CCDC7: variants seen among roughly 807,000 people sequenced by gnomAD.
CCDC7 encodes coiled-coil domain-containing protein 7.
Under a neutral mutation model 196.9 loss-of-function variants are expected in CCDC7, and 183 were observed. The ratio of observed to expected loss-of-function variants is 0.93; its 90% CI spans 0.82 to 1.05. CCDC7 has a LOEUF of 1.05. Among genes scored for constraint, CCDC7 ranks in the 50% least tolerant of loss-of-function variants. CCDC7 has a pLI of 0.00. For missense variants in CCDC7, 1,540 were observed against 1,482.2 expected, an observed-to-expected ratio of 1.04 and a Z score of -0.64; for synonymous variants, 525 against 484.6, an observed-to-expected ratio of 1.08 and a Z score of -1.10.
chr10:32,781,044 C>CA (rs149595331), intron 29 of CCDC7, among the ~76,000 whole-genome samples: 2,293 of 151,708 alleles, frequency 0.015, 63 homozygotes, highest in African/African-American at 0.052. Flanking sequence ...AACTGTACAC[C>CA]AAAAAAACTG....
intron 21 of CCDC7, among the ~76,000 whole-genome samples, chr10:32,677,869 T>A (rs1438709079): frequency 6.6e-6 from 1 of 152,152 alleles, no homozygotes; most frequent in African/African-American, 2.4e-5. Flanking sequence ...ATCCCATACA[T>A]CTTATAGGAT....
exon 1 of CCDC7, chr10:32,451,851 C>T (rs2033148722): frequency 1.9e-6 from 3 of 1,613,962 alleles, no homozygotes; most frequent in Non-Finnish European, 2.5e-6. Context: ...TTGCCCATTC[C>T]ATCGAGTAAG....
At chr10:32,701,550 T>G (rs1297199981) in intron 24 of CCDC7, among the ~76,000 whole-genome samples, 1 of 152,174 alleles carries the variant, frequency 6.6e-6, no homozygotes, top group African/African-American at 2.4e-5. Flanking sequence ...TTAGGGAGGA[T>G]TCCCTCTTTT....
At chr10:32,837,127 G>A (rs1565663238) in intron 33 of CCDC7, among the ~76,000 whole-genome samples, 1 of 152,132 alleles carries the variant, frequency 6.6e-6, no homozygotes, top group Non-Finnish European at 1.5e-5. Flanking sequence ...TACTATCAGA[G>A]TGAACAGGCA....
intron 11 of CCDC7, among the ~76,000 whole-genome samples, chr10:32,538,146 T>C (rs1489817302): frequency 6.6e-6 from 1 of 152,188 alleles, no homozygotes; most frequent in African/African-American, 2.4e-5. Flanking sequence ...TTCCCATTTT[T>C]TTGTGTCATC....
intron 24 of CCDC7, among the ~76,000 whole-genome samples, chr10:32,708,211 AG>A (rs1240809037): frequency 5.9e-5 from 9 of 152,326 alleles, no homozygotes; most frequent in Middle Eastern, 3.4e-3. Context: ...GACAAAAACA[AG>A]AAATGGGGAA....
At chr10:32,511,069 A>G (rs760800450) in intron 9 of CCDC7, among the ~76,000 whole-genome samples, 25 of 139,326 alleles carry the variant, frequency 1.8e-4, no homozygotes, top group Non-Finnish European at 1.9e-4. Context: ...TAAAGAAATA[A>G]GAGTCTCATC....
intron 20 of CCDC7, among the ~76,000 whole-genome samples, chr10:32,660,594 A>G (rs1165665354): frequency 0.016 from 2,342 of 147,968 alleles, 49 homozygotes; most frequent in African/African-American, 0.048. Context: ...ATACGTGTGC[A>G]TGTGTCTTTA....
intron 8 of CCDC7, among the ~76,000 whole-genome samples, chr10:32,479,851 T>A (rs1369482459): frequency 7.2e-6 from 1 of 139,694 alleles, no homozygotes; most frequent in Non-Finnish European, 1.6e-5. Context: ...TTTTTTTTTT[T>A]AGTGGGGGAT....
exon 41 of CCDC7, chr10:32,854,414 G>T: frequency 6.2e-7 from 1 of 1,602,956 alleles, no homozygotes; most frequent in South Asian, 1.1e-5. Context: ...TTCGAAAGTT[G>T]TTACCTTAAG....
rs572268322 is a variant in CCDC7 at position 32,497,628 on chromosome 10, C to A, written c.872+5631C>A. Among the ~76,000 whole-genome samples, 104 of 152,130 alleles carry A rather than the reference C, an allele frequency of 6.8e-4. 1 individual carries two copies. In the Middle Eastern group the frequency reaches 0.014, roughly 20 times the overall value. On this transcript the variant is annotated intron_variant, in intron 9 of 41. Coordinates refer to ENST00000639629, the Ensembl canonical transcript of CCDC7. ...ATTGGTTTCAAAGAACATCTTTATT[C>A]CTGCCTTCATTTCATTATGTACCCA...
chr10:32,451,446 A>G (rs2033048994), upstream of CCDC7: 2 of 626,510 alleles, frequency 3.2e-6, no homozygotes, highest in Non-Finnish European at 2.4e-6. Flanking sequence ...CTGTGACTCA[A>G]AAAAGCCTGA....
At chr10:32,606,795 G>A (rs1414734219) in intron 18 of CCDC7, among the ~76,000 whole-genome samples, 2 of 152,152 alleles carry the variant, frequency 1.3e-5, no homozygotes, top group African/African-American at 4.8e-5. Flanking sequence ...ATAGATAGAA[G>A]GAAATTGGCT....
At chr10:32,845,244 G>T in exon 34 of CCDC7, 1 of 1,541,086 alleles carries the variant, frequency 6.5e-7, no homozygotes. Flanking sequence ...TTTATATAGA[G>T]ACTGATAAGG....
chr10:32,493,202 GT>G (rs1472223580), intron 9 of CCDC7, among the ~76,000 whole-genome samples: 1 of 151,586 alleles, frequency 6.6e-6, no homozygotes. Context: ...CCAGCATTCT[GT>G]TCTCTATTTC....
chr10:32,701,976 G>T (rs1219556911), intron 24 of CCDC7, among the ~76,000 whole-genome samples: 1 of 152,082 alleles, frequency 6.6e-6, no homozygotes, highest in Non-Finnish European at 1.5e-5. Flanking sequence ...ACCAGCTCCT[G>T]GATTCATTGA....
At chr10:32,638,162 C>T (rs1386100889) in intron 20 of CCDC7, among the ~76,000 whole-genome samples, 1 of 152,184 alleles carries the variant, frequency 6.6e-6, no homozygotes, top group Non-Finnish European at 1.5e-5. Context: ...GATATACAAT[C>T]ATGTCATCTG....
intron 18 of CCDC7, among the ~76,000 whole-genome samples, chr10:32,632,437 T>C (rs1239201136): frequency 2.0e-5 from 3 of 151,588 alleles, no homozygotes; most frequent in Non-Finnish European, 4.4e-5. Flanking sequence ...TGATTTTTGC[T>C]CTTTTCTTAT....
intron 20 of CCDC7, among the ~76,000 whole-genome samples, chr10:32,657,182 A>G (rs778953399): frequency 2.2e-4 from 34 of 152,202 alleles, no homozygotes; most frequent in Non-Finnish European, 3.7e-4. Context: ...TTCCAGGCAC[A>G]TGATGCAAGC....
Sources: allele counts gnomAD v4.1 joint callset (sites outside exome capture counted in the v4.1 genomes callset), GRCh38; gene constraint gnomAD v4.1.1; transcripts MANE v1.5; gene names NCBI Gene and HGNC (gene_info 2026-07-23, HGNC 2026-07-21).